Variants in ADNP observed in about 807,000 individuals in gnomAD.
ADNP encodes the protein activity-dependent neuroprotector homeobox protein.
ADNP carries 4 observed loss-of-function variants against 84.9 expected under a neutral mutation model. That is an observed-to-expected ratio of 0.05 (90% CI 0.02 to 0.11). The LOEUF (loss-of-function observed/expected upper bound fraction) is 0.11. ADNP is among the 10% of genes least tolerant of loss of function. ADNP has a pLI of 1.00. For synonymous variants in ADNP, 554 were observed against 468.1 expected (o/e 1.18, Z -2.37); for missense variants, 1,132 against 1,326.0 (o/e 0.85, Z 2.27).
intron 2 of ADNP, among the ~76,000 whole-genome samples, chr20:50,919,518 C>A (rs1034068949): frequency 1.3e-5 from 2 of 151,854 alleles, no homozygotes; most frequent in Non-Finnish European, 2.9e-5. Context: ...AGCAGGCACT[C>A]AATAAATTCA....
chr20:50,891,705 G>A lies in ADNP; in HGVS notation c.3009C>T (p.Ser1003=), dbSNP rs767318496. ...PGTWSDESSQ[S]EDARSSKPAA... ...CTGGCTTACTGCTCCTTGCATCTTC[G>A]CTTTGGGAAGACTCGTCAGACCAGG... The change falls in exon 6 of 6, where the codon AGC becomes AGT. Residue 1003 remains serine, a synonymous_variant. Transcript: ENST00000621696. 1.7e-5 allele frequency: 28 copies of A among 1,613,870 alleles called. No individual in the cohort carries two copies. The highest frequency in any genetic ancestry group is 1.6e-4 in the Middle Eastern group (1 of 6,084).
intron 1 of ADNP, among the ~76,000 whole-genome samples, chr20:50,929,350 G>A (rs1270858411): frequency 6.6e-6 from 1 of 152,208 alleles, no homozygotes; most frequent in Non-Finnish European, 1.5e-5. Context: ...AAAGTAAAAG[G>A]AGAAAACTTC....
Position 50,914,251 on chromosome 20 carries a change from C to T in ADNP, c.-89-9402G>A, listed in dbSNP as rs925249785. On this transcript the variant is annotated intron_variant, in intron 2 of 5. Coordinates refer to ENST00000621696, the MANE Select transcript of ADNP (RefSeq NM_001282531.3). ...CCAAGACACTGAGGGTAACACTCCTCCACACTTAGTCTGTGATAAGAGTGG... is the reference window on the plus strand; with the variant it reads ...CCAAGACACTGAGGGTAACACTCCTTCACACTTAGTCTGTGATAAGAGTGG... 3 of 714,246 alleles carry T rather than the reference C, an allele frequency of 4.2e-6. No individual in the cohort carries two copies. The South Asian group carries it at 4.9e-5, about 12-fold the overall frequency. The allele number at this position is 714,246 out of a possible 1,614,324, so 44.2% of individuals were successfully genotyped here. A position where few individuals can be genotyped will look rare whatever the true frequency, so the allele number is the denominator to read the frequency against.
chr20:50,924,415 G>C (rs1318059745), intron 2 of ADNP, among the ~76,000 whole-genome samples: 1 of 152,140 alleles, frequency 6.6e-6, no homozygotes. Context: ...ACTGTGAAAT[G>C]GGAAGCATTC....
chr20:50,906,822 A>C (rs1180226414), intron 2 of ADNP, among the ~76,000 whole-genome samples: 1 of 152,050 alleles, frequency 6.6e-6, no homozygotes, highest in Non-Finnish European at 1.5e-5. Context: ...TGTTGGGTTT[A>C]CTTATCTATT....
intron 5 of ADNP, among the ~76,000 whole-genome samples, chr20:50,901,198 CTCT>C (rs1207043239): frequency 2.0e-5 from 3 of 151,964 alleles, no homozygotes; most frequent in Non-Finnish European, 4.4e-5. Flanking sequence ...CAAAGCTCAA[CTCT>C]TCTTTAGTAT....
intron 1 of ADNP, among the ~76,000 whole-genome samples, chr20:50,930,427 G>T (rs1342814393): frequency 6.6e-6 from 1 of 150,780 alleles, no homozygotes; most frequent in Admixed American, 6.6e-5. Flanking sequence ...GCATGGGGGT[G>T]TGCGTGGGGG....
At chr20:50,920,532 T>G (rs2122970632) in intron 2 of ADNP, among the ~76,000 whole-genome samples, 1 of 149,696 alleles carries the variant, frequency 6.7e-6, no homozygotes, top group East Asian at 2.0e-4. Flanking sequence ...ATCGCGCCAC[T>G]GCACTCCAGC....
At chr20:50,918,072 T>C (rs1294363253) in intron 2 of ADNP, among the ~76,000 whole-genome samples, 1 of 152,186 alleles carries the variant, frequency 6.6e-6, no homozygotes, top group Non-Finnish European at 1.5e-5. Context: ...GGAGTTATTG[T>C]TTAACAGGTA....
At chr20:50,900,302 G>C (rs954678712) in intron 5 of ADNP, among the ~76,000 whole-genome samples, 2 of 152,128 alleles carry the variant, frequency 1.3e-5, no homozygotes, top group African/African-American at 4.8e-5. Flanking sequence ...TAGCCTAGGA[G>C]CAACAGGCCA....
chr20:50,912,030 G>A (rs1011795794), intron 2 of ADNP, among the ~76,000 whole-genome samples: 4 of 152,256 alleles, frequency 2.6e-5, no homozygotes, highest in Middle Eastern at 6.8e-3. Flanking sequence ...AGTTACACTA[G>A]TGAATGCAAA....
At chr20:50,902,437 A>G (rs1215298560) in intron 4 of ADNP, among the ~76,000 whole-genome samples, 1 of 152,202 alleles carries the variant, frequency 6.6e-6, no homozygotes, top group Non-Finnish European at 1.5e-5. Flanking sequence ...CGTCAGTTAC[A>G]GTACTGGAAT....
At chr20:50,925,335 A>G (rs1024721588) in intron 2 of ADNP, among the ~76,000 whole-genome samples, 2 of 151,954 alleles carry the variant, frequency 1.3e-5, no homozygotes, top group Non-Finnish European at 2.9e-5. Flanking sequence ...GAGAAGCATG[A>G]TAATATGTGA....
At chr20:50,900,009 GT>G (rs1568719420) in intron 5 of ADNP, among the ~76,000 whole-genome samples, 1 of 151,878 alleles carries the variant, frequency 6.6e-6, no homozygotes, top group Non-Finnish European at 1.5e-5. Context: ...AGATTCAGAA[GT>G]TAAGAATTTT....
At chr20:50,915,850 G>A (rs569228789) in intron 2 of ADNP, among the ~76,000 whole-genome samples, 1 of 152,302 alleles carries the variant, frequency 6.6e-6, no homozygotes, top group Admixed American at 6.5e-5. Flanking sequence ...TGCAAATGAT[G>A]ACACACGTAT....
intron 2 of ADNP, among the ~76,000 whole-genome samples, chr20:50,923,921 G>C (rs1487136210): frequency 6.6e-6 from 1 of 152,140 alleles, no homozygotes; most frequent in African/African-American, 2.4e-5. Context: ...CAAGAGCAAG[G>C]ATTCTGTCAA....
chr20:50,899,058 T>G (rs1981698240), intron 5 of ADNP, among the ~76,000 whole-genome samples: 1 of 152,074 alleles, frequency 6.6e-6, no homozygotes, highest in Non-Finnish European at 1.5e-5. Flanking sequence ...TATGTGGATT[T>G]TTTCCAAACA....
Position 50,931,255 on chromosome 20 carries a change from G to C in ADNP, c.-694C>G, listed in dbSNP as rs901068845. The C allele has an allele frequency of 2.7e-5, 3 of 112,308 alleles. No homozygotes were observed. The highest frequency in any genetic ancestry group is 5.8e-5 in the Non-Finnish European group (3 of 51,734). 7.0% of individuals were successfully genotyped at this position (112,308 alleles called of 1,614,324 possible). A position where few individuals can be genotyped will look rare whatever the true frequency, so the allele number is the denominator to read the frequency against. On this transcript the variant is annotated 5_prime_UTR_variant, in exon 1 of 6. Transcript: ENST00000621696. ...GGGCACAAGATGGCGGCGGCCGGGG[G>C]GGGGGGGGCGGGAGTTCAGCTCATG...
At chr20:50,918,687 C>T (rs1410629356) in intron 2 of ADNP, among the ~76,000 whole-genome samples, 4 of 152,146 alleles carry the variant, frequency 2.6e-5, no homozygotes, top group African/African-American at 7.2e-5. Context: ...GAGCATGTGG[C>T]AGTAGAGAAA....
Sources: allele counts gnomAD v4.1 joint callset (sites outside exome capture counted in the v4.1 genomes callset), GRCh38; gene constraint gnomAD v4.1.1; transcripts MANE v1.5; gene names NCBI Gene and HGNC (gene_info 2026-07-23, HGNC 2026-07-21).